Variants in ASAH2B observed in about 807,000 individuals in gnomAD.
The protein encoded by ASAH2B is putative inactive neutral ceramidase B.
A neutral mutation model predicts 2.9 loss-of-function variants in ASAH2B; 1 was observed. The observed-to-expected ratio is 0.34, with a 90% CI of 0.12 to 1.63. ASAH2B has a LOEUF of 1.63. ASAH2B is among the 40% of genes most tolerant of loss of function. The pLI is 0.36. For synonymous variants in ASAH2B, 4 were observed against 13.3 expected, an observed-to-expected ratio of 0.30 and a Z score of 1.52; for missense variants, 9 against 37.7, an observed-to-expected ratio of 0.24 and a Z score of 1.99.
In ASAH2B at chr10:50,758,739, A is replaced by G. The variant is rs1454791561; in HGVS notation, c.*3999A>G. 6.6e-6 allele frequency: 1 copy of G among 152,116 alleles called. No homozygotes were observed. The highest frequency in any genetic ancestry group is 1.5e-5 in the Non-Finnish European group (1 of 67,960). The allele number at this position is 152,116 out of a possible 1,614,324, so 9.4% of individuals were successfully genotyped here. A position where few individuals can be genotyped will look rare whatever the true frequency, so the allele number is the denominator to read the frequency against. On this transcript the variant is annotated 3_prime_UTR_variant, in exon 6 of 6. Coordinates refer to ENST00000647317, the MANE Select transcript of ASAH2B (RefSeq NM_001321958.2). ...TATACTTTATGGCAGAAATTATGCT[A>G]AATCCTAAGAATGAAACAATAATGA... is the stretch of plus-strand genomic sequence containing the variant.
intron 3 of ASAH2B, among the ~76,000 whole-genome samples, chr10:50,746,850 T>C (rs1839913430): frequency 6.6e-6 from 1 of 151,508 alleles, no homozygotes; most frequent in African/African-American, 2.4e-5. Flanking sequence ...AATTGGGTTA[T>C]TTGTTTTCTT....
chr10:50,746,960 C>T (rs1454655770), intron 3 of ASAH2B, among the ~76,000 whole-genome samples: 318 of 149,940 alleles, frequency 2.1e-3, no homozygotes, highest in Non-Finnish European at 3.6e-3. Flanking sequence ...GTTGTCTCCT[C>T]ACTTTGTTAA....
Position 50,754,851 on chromosome 10 carries a change from C to T in ASAH2B, c.*111C>T, listed in dbSNP as rs1323654690. The T allele has an allele frequency of 7.8e-5, 11 of 140,324 alleles. No individual in the cohort carries two copies. Among genetic ancestry groups the T allele is most frequent in the African/African-American group, 4.5e-4 (10 of 22,404 alleles). The allele number at this position is 140,324 out of a possible 1,614,324, so 8.7% of individuals were successfully genotyped here. On this transcript the variant is annotated 3_prime_UTR_variant, in exon 6 of 6. Coordinates refer to ENST00000647317, the MANE Select transcript of ASAH2B (RefSeq NM_001321958.2). ...ACCATGTTGACTTCTATAATCGTCCCTGTTTGGGGACAGATAGTTTACTGC... is the reference window on the plus strand; with the variant it reads ...ACCATGTTGACTTCTATAATCGTCCTTGTTTGGGGACAGATAGTTTACTGC...
In ASAH2B at chr10:50,756,405, G is replaced by A. The variant is rs1172973693; in HGVS notation, c.*1665G>A. ...GTGTTGTGATCTTTTTTCTGATGAC[G>A]CCACAGTCTTCAGTGTAAAAGTTCA... On this transcript the variant is annotated 3_prime_UTR_variant, in exon 6 of 6. Transcript: ENST00000647317. 1 of 151,800 alleles carries A rather than the reference G, an allele frequency of 6.6e-6. No homozygotes were observed. The highest frequency in any genetic ancestry group is 1.9e-4 in the East Asian group (1 of 5,162). The allele number at this position is 151,800 out of a possible 1,614,324, so 9.4% of individuals were successfully genotyped here.
rs1837128426 is a variant in ASAH2B, at chr10:50,757,932, C to G, written c.*3192C>G. On this transcript the variant is annotated 3_prime_UTR_variant, in exon 6 of 6. Transcript: ENST00000647317. ...TCAGTGGCTCTTCTTAATATATTGA[C>G]TTAATTCTTAGGCTTATCCTCTTAG... 6.6e-6 allele frequency: 1 copy of G among 151,254 alleles called. No homozygotes were observed. Among genetic ancestry groups the G allele is most frequent in the African/African-American group, 2.4e-5 (1 of 41,226 alleles). The allele number at this position is 151,254 out of a possible 1,614,324, so 9.4% of individuals were successfully genotyped here. A position where few individuals can be genotyped will look rare whatever the true frequency, so the allele number is the denominator to read the frequency against.
intron 2 of ASAH2B, 137 bp downstream of exon 2, chr10:50,743,147 C>A: frequency 1.1e-6 from 1 of 873,650 alleles, no homozygotes; most frequent in Non-Finnish European, 1.8e-6. Context: ...TTATATTTTA[C>A]AAAATTTATA....
chr10:50,741,816 A>G (rs879282531), intron 1 of ASAH2B, among the ~76,000 whole-genome samples: 4 of 152,070 alleles, frequency 2.6e-5, no homozygotes, highest in Non-Finnish European at 5.9e-5. Flanking sequence ...GTAGGATTCT[A>G]AGCAAGAGAA....
chr10:50,743,054 G>A, intron 2 of ASAH2B, 44 bp downstream of exon 2: 1 of 1,587,886 alleles, frequency 6.3e-7, no homozygotes, highest in African/African-American at 1.3e-5. Context: ...GTGTGTGTGT[G>A]TGTGTATGTC....
chr10:50,741,460 C>T (rs1245351262), intron 1 of ASAH2B, among the ~76,000 whole-genome samples: 1 of 152,066 alleles, frequency 6.6e-6, no homozygotes, highest in Non-Finnish European at 1.5e-5. Flanking sequence ...AAGGCATGCA[C>T]AAGGTGTTAT....
At chr10:50,744,247 A>G (rs1019702977) in intron 2 of ASAH2B, among the ~76,000 whole-genome samples, 5 of 151,616 alleles carry the variant, frequency 3.3e-5, no homozygotes, top group Non-Finnish European at 5.9e-5. Context: ...CCAAGAAAAT[A>G]GATTCTTCAA....
At chr10:50,748,189 G>A (rs1839935282) in intron 3 of ASAH2B, among the ~76,000 whole-genome samples, 1 of 122,626 alleles carries the variant, frequency 8.2e-6, no homozygotes, top group African/African-American at 2.7e-5. Flanking sequence ...TTAATTTGTT[G>A]GTGTAATATA....
chr10:50,741,620 A>G (rs1269960616), intron 1 of ASAH2B, among the ~76,000 whole-genome samples: 7 of 152,220 alleles, frequency 4.6e-5, no homozygotes, highest in Admixed American at 2.6e-4. Context: ...GAAACGATAT[A>G]TGCAAAGGTC....
intron 4 of ASAH2B, among the ~76,000 whole-genome samples, chr10:50,749,727 A>ATAC (rs1333611482): frequency 6.6e-5 from 10 of 152,106 alleles, no homozygotes; most frequent in Non-Finnish European, 1.2e-4. Context: ...GTTTCAGTCA[A>ATAC]AGATGAACTG....
At chr10:50,741,941 A>T (rs1013374410) in intron 1 of ASAH2B, among the ~76,000 whole-genome samples, 6 of 152,312 alleles carry the variant, frequency 3.9e-5, no homozygotes, top group Admixed American at 3.3e-4. Context: ...TGTAATTAAG[A>T]TCTGGGCAAG....
intron 2 of ASAH2B, among the ~76,000 whole-genome samples, 189 bp downstream of exon 2, chr10:50,743,199 C>T (rs944388106): frequency 6.6e-6 from 1 of 152,064 alleles, no homozygotes; most frequent in South Asian, 2.1e-4. Context: ...ATTTCTTTCC[C>T]AATTTTGGAT....
At chr10:50,751,607 T>A (rs1463428527) in intron 4 of ASAH2B, among the ~76,000 whole-genome samples, 5 of 151,800 alleles carry the variant, frequency 3.3e-5, no homozygotes, top group Non-Finnish European at 7.4e-5. Flanking sequence ...GTTGAATACT[T>A]AAAGAAGAAT....
chr10:50,747,773 A>T (rs1255617768), intron 3 of ASAH2B, among the ~76,000 whole-genome samples: 1 of 151,786 alleles, frequency 6.6e-6, no homozygotes, highest in South Asian at 2.1e-4. Context: ...TCCTTTTTAG[A>T]TGTTGCTGAA....
rs1837121451 is a variant in ASAH2B, at chr10:50,757,550, GCTTCTCCTC to G, written c.*2812_*2820del. 1 of 147,086 alleles carries G rather than the reference GCTTCTCCTC, an allele frequency of 6.8e-6. No individual in the cohort carries two copies. Among genetic ancestry groups the G allele is most frequent in the African/African-American group, 2.5e-5 (1 of 40,710 alleles). 9.1% of individuals were successfully genotyped at this position (147,086 alleles called of 1,614,324 possible). A position where few individuals can be genotyped will look rare whatever the true frequency, so the allele number is the denominator to read the frequency against. On this transcript the variant is annotated 3_prime_UTR_variant, in exon 6 of 6. Transcript: ENST00000647317. ...GTCCTTTTCTAATGTGCCCTCTTAT[GCTTCTCCTC>G]CAATGTAAGCAAGCTTACTGTCTTT...
chr10:50,741,399 G>A (rs1269527222), intron 1 of ASAH2B, among the ~76,000 whole-genome samples: 4 of 152,200 alleles, frequency 2.6e-5, no homozygotes, highest in East Asian at 1.9e-4. Flanking sequence ...ACTGGAAGCC[G>A]GGGGTCTAGT....
Sources: allele counts gnomAD v4.1 joint callset (sites outside exome capture counted in the v4.1 genomes callset), GRCh38; gene constraint gnomAD v4.1.1; transcripts MANE v1.5; gene names NCBI Gene and HGNC (gene_info 2026-07-23, HGNC 2026-07-21).